Variants in MEGF11 observed in about 807,000 individuals in gnomAD.
MEGF11 encodes the protein multiple EGF like domains 11, also known as multiple epidermal growth factor-like domains protein 11.
In MEGF11, 126 loss-of-function variants were observed where a neutral mutation model predicts 146.6. The observed-to-expected ratio is 0.86, with a 90% CI of 0.74 to 1.00. The LOEUF (loss-of-function observed/expected upper bound fraction) is 1.00. Among genes scored for constraint, MEGF11 ranks in the 50% least tolerant of loss-of-function variants. MEGF11 has a pLI of 0.00. For missense variants in MEGF11, 1,509 were observed against 1,521.2 expected (o/e 0.99, Z 0.13); for synonymous variants, 532 against 583.4 (o/e 0.91, Z 1.27).
chr15:66,015,460 G>A (rs1015980119), intron 5 of MEGF11, among the ~76,000 whole-genome samples: 1 of 152,196 alleles, frequency 6.6e-6, no homozygotes, highest in Non-Finnish European at 1.5e-5. Flanking sequence ...ACCATTCACT[G>A]TGATAGGGTT....
chr15:65,965,371 A>AT lies in MEGF11; in HGVS notation c.900-252dup, dbSNP rs1445709626. The AT allele has an allele frequency of 2.6e-5, 11 of 430,706 alleles. No homozygotes were observed. The South Asian group carries it at 4.8e-4, about 19-fold the overall frequency. The allele number at this position is 430,706 out of a possible 1,614,324, so 26.7% of individuals were successfully genotyped here. ...CAATGAGTTTGTACCACCATATTTT[A>AT]TTGATTCCAAGCCTAATAATTTTTA... On this transcript the variant is annotated intron_variant, in intron 8 of 25. Transcript: ENST00000395614.
At chr15:66,138,337 G>T (rs958017015) in intron 1 of MEGF11, among the ~76,000 whole-genome samples, 1 of 152,240 alleles carries the variant, frequency 6.6e-6, no homozygotes. Context: ...TGTGGCATGT[G>T]TCCACGCTGT....
intron 5 of MEGF11, among the ~76,000 whole-genome samples, chr15:66,054,756 A>G (rs1161155282): frequency 1.3e-5 from 2 of 152,208 alleles, no homozygotes; most frequent in African/African-American, 4.8e-5. Context: ...GCTCTTAAAT[A>G]GGGAACTACC....
chr15:66,034,905 G>C (rs1044839394), intron 5 of MEGF11, among the ~76,000 whole-genome samples: 1 of 152,126 alleles, frequency 6.6e-6, no homozygotes, highest in South Asian at 2.1e-4. Flanking sequence ...GAGTGGCTTT[G>C]TTGTAAAAGT....
intron 9 of MEGF11, 82 bp downstream of exon 9, chr15:65,964,826 G>A (rs537235125): frequency 2.3e-6 from 3 of 1,309,610 alleles, no homozygotes; most frequent in African/African-American, 1.5e-5. Context: ...TGCTAGAGGT[G>A]GGGGGCCACA....
intron 1 of MEGF11, among the ~76,000 whole-genome samples, chr15:66,159,146 CAA>C (rs2089866202): frequency 6.6e-6 from 1 of 152,186 alleles, no homozygotes; most frequent in South Asian, 2.1e-4. Context: ...TGATTTCAAA[CAA>C]TTGTCTCACA....
At position 66,203,821 on chromosome 15, in the gene MEGF11, T is replaced by C. The variant is rs188301620; in HGVS notation, c.-9+49784A>G. On this transcript the variant is annotated intron_variant, in intron 1 of 25. Coordinates refer to ENST00000395614, the MANE Select transcript of MEGF11 (RefSeq NM_001385028.1). ...ATATGGATTAGATACTAGAAGATAT[T>C]AGAAAATTATTAATTTTGTCAGTTG... Among the ~76,000 whole-genome samples the C allele has an allele frequency of 2.7e-4, 41 of 152,344 alleles. No individual in the cohort carries two copies. The East Asian group carries it at 7.9e-3, about 29-fold the overall frequency.
At chr15:66,154,664 C>T (rs1396445486) in intron 1 of MEGF11, among the ~76,000 whole-genome samples, 2 of 152,212 alleles carry the variant, frequency 1.3e-5, no homozygotes. Flanking sequence ...TTCTAAAATG[C>T]CGTCTGTCTG....
chr15:65,987,774 G>GAT (rs1300371591), intron 5 of MEGF11, among the ~76,000 whole-genome samples: 45 of 150,662 alleles, frequency 3.0e-4, no homozygotes, highest in East Asian at 1.2e-3. Flanking sequence ...GCAGTGGTGC[G>GAT]ATCTTGGCTC....
intron 1 of MEGF11, among the ~76,000 whole-genome samples, chr15:66,149,021 G>A (rs1338361331): frequency 2.0e-5 from 3 of 152,332 alleles, no homozygotes; most frequent in African/African-American, 4.8e-5. Context: ...AGGAGGCAGG[G>A]CAGACACCCA....
chr15:66,108,486 A>G (rs1157014199), intron 4 of MEGF11, among the ~76,000 whole-genome samples: 2 of 152,174 alleles, frequency 1.3e-5, no homozygotes, highest in Non-Finnish European at 2.9e-5. Flanking sequence ...AAAAAACAAA[A>G]CAAAACAAAA....
chr15:66,114,330 TG>T, intron 4 of MEGF11, among the ~76,000 whole-genome samples: 1 of 152,278 alleles, frequency 6.6e-6, no homozygotes, highest in Middle Eastern at 3.4e-3. Context: ...GCCTAGGACC[TG>T]GGGTGAGGCT....
chr15:66,177,522 G>A (rs1314268700), intron 1 of MEGF11, among the ~76,000 whole-genome samples: 1 of 151,924 alleles, frequency 6.6e-6, no homozygotes, highest in Non-Finnish European at 1.5e-5. Flanking sequence ...GTTCCAGGGG[G>A]TGGGATGAGG....
rs1219667076 is a variant in MEGF11 at position 66,236,949 on chromosome 15, AC to A, written c.-9+16655del. Reference sequence around the variant, plus strand: ...GATATTCACCTCAATCATTCTCAGGACCCTCCGTGTGCCCGGCATGGGTCAC... The same window carrying A: ...GATATTCACCTCAATCATTCTCAGGACCTCCGTGTGCCCGGCATGGGTCAC... On this transcript the variant is annotated intron_variant, in intron 1 of 25. Coordinates refer to ENST00000395614, the MANE Select transcript of MEGF11 (RefSeq NM_001385028.1). 5.3e-5 allele frequency among the ~76,000 whole-genome samples: 8 copies of A among 151,664 alleles called. No homozygotes were observed. The East Asian group carries it at 1.5e-3, about 29-fold the overall frequency.
intron 10 of MEGF11, among the ~76,000 whole-genome samples, chr15:65,945,290 G>A (rs2080150613): frequency 6.6e-6 from 1 of 152,172 alleles, no homozygotes; most frequent in Non-Finnish European, 1.5e-5. Context: ...ACAGAACACG[G>A]GCCTGGAATG....
At chr15:66,253,562 G>T (rs1410313609) in intron 1 of MEGF11, 43 bp downstream of exon 1, 5 of 150,652 alleles carry the variant, frequency 3.3e-5, no homozygotes, top group African/African-American at 1.2e-4. Context: ...TGCCCCCGGC[G>T]TCCGAGACTC....
At chr15:66,051,427 C>T (rs569568569) in intron 5 of MEGF11, among the ~76,000 whole-genome samples, 45 of 152,290 alleles carry the variant, frequency 3.0e-4, no homozygotes, top group African/African-American at 7.5e-4. Context: ...TGGTCCACCC[C>T]AGACCTACCA....
intron 9 of MEGF11, among the ~76,000 whole-genome samples, chr15:65,960,720 C>A (rs376020329): frequency 1.3e-5 from 2 of 152,334 alleles, no homozygotes; most frequent in South Asian, 2.1e-4. Flanking sequence ...CTCTGCCTAG[C>A]AAATGGTCAC....
chr15:65,934,111 C>T (rs2079679490), intron 10 of MEGF11, among the ~76,000 whole-genome samples: 2 of 152,162 alleles, frequency 1.3e-5, no homozygotes, highest in South Asian at 4.1e-4. Context: ...GACGGAATGA[C>T]CACTCCCTGA....
Sources: allele counts gnomAD v4.1 joint callset (sites outside exome capture counted in the v4.1 genomes callset), GRCh38; gene constraint gnomAD v4.1.1; transcripts MANE v1.5; gene names NCBI Gene and HGNC (gene_info 2026-07-23, HGNC 2026-07-21).